Variants in TCF4 observed in about 807,000 individuals in gnomAD.
The protein encoded by TCF4 is transcription factor 4, also known as SL3-3 enhancer factor 2.
In TCF4, 3 loss-of-function variants were observed where a neutral mutation model predicts 82.1. That is an observed-to-expected ratio of 0.04 (90% CI 0.02 to 0.09). The LOEUF (loss-of-function observed/expected upper bound fraction) is 0.09. Ranked by LOEUF, TCF4 falls within the 10% of genes least tolerant of loss-of-function variation. The pLI, the probability that TCF4 is intolerant of heterozygous loss-of-function variation, is 1.00. For synonymous variants in TCF4, 276 were observed against 309.6 expected (o/e 0.89, Z 1.14); for missense variants, 518 against 852.7 (o/e 0.61, Z 4.89).
Position 55,388,254 on chromosome 18 carries a change from G to C in TCF4, c.369+15200C>G, listed in dbSNP as rs182081470. On this transcript the variant is annotated intron_variant, in intron 6 of 19. Coordinates refer to ENST00000354452, the MANE Select transcript of TCF4 (RefSeq NM_001083962.2). ...ATCCTCTGCCAAGTTGTACCAGGGA[G>C]AGTGAAGGAGAATGAAACTTGGGGG... is the stretch of plus-strand genomic sequence containing the variant. 2.6e-5 allele frequency among the ~76,000 whole-genome samples: 4 copies of C among 152,312 alleles called. No homozygotes were observed. The East Asian group carries it at 7.7e-4, about 29-fold the overall frequency.
rs551657510 is a variant in TCF4 at position 55,440,270 on chromosome 18, G to A, written c.304+20749C>T. On this transcript the variant is annotated intron_variant, in intron 5 of 19. Coordinates refer to ENST00000354452, the MANE Select transcript of TCF4 (RefSeq NM_001083962.2). Reference sequence around the variant, plus strand: ...TATTTCCAGCCTTTCTAAGTGATGCGGGTATGTTTTTCCTCTTCTTGTTAG... The same window carrying A: ...TATTTCCAGCCTTTCTAAGTGATGCAGGTATGTTTTTCCTCTTCTTGTTAG... 1.6e-3 allele frequency among the ~76,000 whole-genome samples: 239 copies of A among 152,196 alleles called. 2 individuals carry two copies. Among genetic ancestry groups the A allele is most frequent in the African/African-American group, 5.3e-3 (220 of 41,504 alleles).
chr18:55,310,415 C>T (rs2071957856), intron 8 of TCF4, among the ~76,000 whole-genome samples: 1 of 152,170 alleles, frequency 6.6e-6, no homozygotes, highest in Non-Finnish European at 1.5e-5. Flanking sequence ...GCTCAAGTTA[C>T]TGTGAGGCTT....
At chr18:55,381,601 G>C in intron 6 of TCF4, among the ~76,000 whole-genome samples, 1 of 152,342 alleles carries the variant, frequency 6.6e-6, no homozygotes, top group Non-Finnish European at 1.5e-5. Context: ...TTTAAGTGTA[G>C]TAGGCAGAAG....
chr18:55,483,090 C>A (rs1271952433), intron 3 of TCF4: 2 of 152,176 alleles, frequency 1.3e-5, no homozygotes, highest in Non-Finnish European at 1.5e-5. Flanking sequence ...CCCTCAGTAC[C>A]CAGCACGGGG....
chr18:55,228,126 A>G, intron 19 of TCF4, 95 bp downstream of exon 19: 4 of 1,501,354 alleles, frequency 2.7e-6, no homozygotes, highest in South Asian at 1.2e-5. Context: ...ATGAAAGAAA[A>G]TATCTGTCAA....
intron 6 of TCF4, among the ~76,000 whole-genome samples, chr18:55,359,214 C>T (rs1224044607): frequency 6.6e-6 from 1 of 152,128 alleles, no homozygotes; most frequent in Non-Finnish European, 1.5e-5. Flanking sequence ...CAGCTGCCTG[C>T]CATTCATCTT....
intron 2 of TCF4, among the ~76,000 whole-genome samples, chr18:55,626,539 A>G (rs551249878): frequency 8.5e-5 from 13 of 152,340 alleles, no homozygotes; most frequent in Middle Eastern, 6.8e-3. Context: ...GACTTGACAT[A>G]TAAAAATTCA....
At chr18:55,305,509 G>A (rs565131107) in intron 8 of TCF4, among the ~76,000 whole-genome samples, 3 of 152,110 alleles carry the variant, frequency 2.0e-5, no homozygotes, top group Admixed American at 6.5e-5. Context: ...AAAAGTACCA[G>A]TTTCAATTAA....
chr18:55,569,825 C>T (rs1401728043), intron 3 of TCF4, among the ~76,000 whole-genome samples: 1 of 152,008 alleles, frequency 6.6e-6, no homozygotes, highest in Non-Finnish European at 1.5e-5. Flanking sequence ...TAATAATTCT[C>T]CCAAAATTGA....
intron 6 of TCF4, among the ~76,000 whole-genome samples, chr18:55,403,157 T>G (rs2146482036): frequency 6.6e-6 from 1 of 152,274 alleles, no homozygotes; most frequent in South Asian, 2.1e-4. Flanking sequence ...TAAACTCTTT[T>G]AATAGAACCA....
intron 2 of TCF4, among the ~76,000 whole-genome samples, chr18:55,608,798 G>A (rs1021066748): frequency 6.6e-6 from 1 of 152,136 alleles, no homozygotes; most frequent in African/African-American, 2.4e-5. Flanking sequence ...ATGGTGGGGT[G>A]GAGTGGGCGG....
intron 15 of TCF4, among the ~76,000 whole-genome samples, chr18:55,253,201 T>A (rs1442246660): frequency 6.6e-6 from 1 of 152,190 alleles, no homozygotes; most frequent in Non-Finnish European, 1.5e-5. Flanking sequence ...AATCTTAGAC[T>A]TTTATTAAGA....
intron 10 of TCF4, 29 bp from the exon 11 acceptor site, chr18:55,269,992 A>G (rs750727721): frequency 6.2e-7 from 1 of 1,612,484 alleles, no homozygotes; most frequent in South Asian, 1.1e-5. Context: ...AAAGGTGGCC[A>G]TATTTAATCA....
At chr18:55,228,164 A>G (rs1599342074) in intron 19 of TCF4, 57 bp downstream of exon 19, 5 of 1,609,164 alleles carry the variant, frequency 3.1e-6, no homozygotes, top group Non-Finnish European at 1.7e-6. Flanking sequence ...TTTATGGCTG[A>G]TACACTGATG....
At chr18:55,241,318 G>A (rs746764431) in intron 15 of TCF4, among the ~76,000 whole-genome samples, 1 of 152,166 alleles carries the variant, frequency 6.6e-6, no homozygotes, top group East Asian at 1.9e-4. Context: ...ACCATAACTG[G>A]AGAGAGCTCA....
chr18:55,234,686 GA>G lies in TCF4; in HGVS notation c.1351-4del. 5 of 1,614,124 alleles carry G rather than the reference GA, an allele frequency of 3.1e-6. No individual in the cohort carries two copies. In the South Asian group the frequency reaches 5.5e-5, roughly 18 times the overall value. On this transcript the variant is annotated splice_region_variant and splice_polypyrimidine_tract_variant and intron_variant, in intron 15 of 19. Transcript: ENST00000354452. Reference sequence around the variant, plus strand: ...CCATCTTCACGATGGGTCCCCACCTGAAAGGGCGAGAGGAACCAGAGAGGTG... The same window carrying G: ...CCATCTTCACGATGGGTCCCCACCTGAAGGGCGAGAGGAACCAGAGAGGTG...
chr18:55,508,485 A>C (rs1389314690), intron 3 of TCF4, among the ~76,000 whole-genome samples: 4 of 152,242 alleles, frequency 2.6e-5, no homozygotes, highest in Admixed American at 2.6e-4. Context: ...AATAGCTTAA[A>C]AATACTCACT....
chr18:55,366,834 G>A (rs967970392), intron 6 of TCF4, among the ~76,000 whole-genome samples: 1 of 151,934 alleles, frequency 6.6e-6, no homozygotes, highest in Non-Finnish European at 1.5e-5. Context: ...TTGCTCCATG[G>A]TCATTTTTTG....
intron 3 of TCF4, among the ~76,000 whole-genome samples, chr18:55,579,703 G>A (rs2097559302): frequency 6.6e-6 from 1 of 151,958 alleles, no homozygotes; most frequent in Non-Finnish European, 1.5e-5. Flanking sequence ...AATACTAAAC[G>A]TTGAAAATCA....
Sources: allele counts gnomAD v4.1 joint callset (sites outside exome capture counted in the v4.1 genomes callset), GRCh38; gene constraint gnomAD v4.1.1; transcripts MANE v1.5; gene names NCBI Gene and HGNC (gene_info 2026-07-23, HGNC 2026-07-21).